The following NCKAP5 variants were observed in gnomAD, a reference collection of about 807,000 sequenced individuals.
The protein encoded by NCKAP5 is NCK associated protein 5, also known as nck-associated protein 5.
NCKAP5 carries 92 observed loss-of-function variants against 167.0 expected under a neutral mutation model. The ratio of observed to expected loss-of-function variants is 0.55; its 90% CI spans 0.47 to 0.66. NCKAP5 has a LOEUF of 0.66. Ranked by LOEUF, NCKAP5 falls within the 30% of genes least tolerant of loss-of-function variation. NCKAP5 has a pLI of 0.00. For missense variants in NCKAP5, 2,378 were observed against 2,315.0 expected (o/e 1.03, Z -0.56); for synonymous variants, 891 against 877.4 (o/e 1.02, Z -0.27).
chr2:133,269,435 G>A (rs1053573894), intron 4 of NCKAP5, among the ~76,000 whole-genome samples: 1 of 152,190 alleles, frequency 6.6e-6, no homozygotes, highest in Non-Finnish European at 1.5e-5. Flanking sequence ...AAGCCTGAAT[G>A]AATGATTAAA....
intron 2 of NCKAP5, among the ~76,000 whole-genome samples, chr2:133,526,736 T>G (rs1684957621): frequency 6.6e-6 from 1 of 152,160 alleles, no homozygotes; most frequent in South Asian, 2.1e-4. Flanking sequence ...CTGACTCTTC[T>G]CCATTTATTG....
At chr2:133,299,828 G>C (rs1022306920) in intron 4 of NCKAP5, among the ~76,000 whole-genome samples, 1 of 151,960 alleles carries the variant, frequency 6.6e-6, no homozygotes, top group Non-Finnish European at 1.5e-5. Flanking sequence ...AACAATTTCG[G>C]TACAATATGA....
chr2:133,363,444 A>G (rs1685255853), intron 3 of NCKAP5, among the ~76,000 whole-genome samples: 1 of 152,230 alleles, frequency 6.6e-6, no homozygotes, highest in African/African-American at 2.4e-5. Context: ...CCTATTTACA[A>G]AAAGAGTTTG....
the NCKAP5 span, among the ~76,000 whole-genome samples, chr2:133,594,921 A>G: frequency 2.6e-5 from 4 of 152,062 alleles, no homozygotes; most frequent in African/African-American, 9.7e-5. Context: ...ACACACACTG[A>G]GCGTTTTAAG....
chr2:133,062,664 T>C (rs2080046858), intron 6 of NCKAP5, among the ~76,000 whole-genome samples: 2 of 152,184 alleles, frequency 1.3e-5, no homozygotes, highest in African/African-American at 2.4e-5. Flanking sequence ...CTGCTATAAG[T>C]TTAATAGCAG....
At chr2:133,655,407 A>G in the NCKAP5 span, among the ~76,000 whole-genome samples, 1 of 152,224 alleles carries the variant, frequency 6.6e-6, no homozygotes, top group Non-Finnish European at 1.5e-5. Flanking sequence ...CCAAGGAGTG[A>G]TATAGGATGT....
At position 132,971,923 on chromosome 2, in the gene NCKAP5, T is replaced by C. The variant is rs551460682; in HGVS notation, c.430-8054A>G. ...TCATTTTAGAGAACACTACAGGTAATTCTAATCCAAGACTAAGTGCGTCTG... is the reference window on the plus strand; with the variant it reads ...TCATTTTAGAGAACACTACAGGTAACTCTAATCCAAGACTAAGTGCGTCTG... On this transcript the variant is annotated intron_variant, in intron 7 of 19. Transcript: ENST00000409261. 2.0e-5 allele frequency among the ~76,000 whole-genome samples: 3 copies of C among 152,308 alleles called. No individual in the cohort carries two copies. The South Asian group carries it at 6.2e-4, about 32-fold the overall frequency.
At chr2:132,963,278 G>T (rs765200074) in intron 8 of NCKAP5, among the ~76,000 whole-genome samples, 3 of 151,820 alleles carry the variant, frequency 2.0e-5, no homozygotes, top group Non-Finnish European at 4.4e-5. Context: ...ATTCCTGCAC[G>T]TTTTTTTTAA....
intron 3 of NCKAP5, among the ~76,000 whole-genome samples, chr2:133,516,155 C>T (rs2151435819): frequency 6.6e-6 from 1 of 152,274 alleles, no homozygotes; most frequent in East Asian, 1.9e-4. Flanking sequence ...TATTGGCATG[C>T]TGATATGTAA....
In NCKAP5 at chr2:133,488,716, G is replaced by A. The variant is rs563871110; in HGVS notation, c.69+28742C>T. Among the ~76,000 whole-genome samples the A allele has an allele frequency of 2.0e-5, 3 of 152,146 alleles. No individual in the cohort carries two copies. The South Asian group carries it at 6.2e-4, about 32-fold the overall frequency. ...AGGTGGGCGGATCATGAGGTCAAGA[G>A]ATCAAGACGGCCAACACGGTGAAAC... On this transcript the variant is annotated intron_variant, in intron 3 of 19. Coordinates refer to ENST00000409261, the MANE Select transcript of NCKAP5 (RefSeq NM_207363.3).
intron 4 of NCKAP5, among the ~76,000 whole-genome samples, chr2:133,241,025 A>G (rs898345341): frequency 1.3e-5 from 2 of 152,210 alleles, no homozygotes. Context: ...CTATTTTCTT[A>G]TTCTAGAACT....
At chr2:132,822,751 T>C (rs1008440870) in intron 11 of NCKAP5, among the ~76,000 whole-genome samples, 1 of 152,124 alleles carries the variant, frequency 6.6e-6, no homozygotes, top group Non-Finnish European at 1.5e-5. Flanking sequence ...AGGTTGATTA[T>C]TAAGCTACTC....
At chr2:132,985,051 G>A (rs757766294) in intron 7 of NCKAP5, among the ~76,000 whole-genome samples, 3 of 151,628 alleles carry the variant, frequency 2.0e-5, no homozygotes, top group Admixed American at 6.6e-5. Flanking sequence ...ATGAGCTGGG[G>A]AAACAGCGGG....
At chr2:133,617,670 A>T in the NCKAP5 span, among the ~76,000 whole-genome samples, 3 of 151,104 alleles carry the variant, frequency 2.0e-5, no homozygotes, top group Non-Finnish European at 4.4e-5. Flanking sequence ...AAACAAATGG[A>T]AGAACATCCC....
intron 11 of NCKAP5, among the ~76,000 whole-genome samples, chr2:132,808,550 A>G (rs182460443): frequency 6.6e-6 from 1 of 152,170 alleles, no homozygotes; most frequent in Admixed American, 6.5e-5. Context: ...ATGTGCGTAA[A>G]TGTGTTTACA....
intron 2 of NCKAP5, among the ~76,000 whole-genome samples, chr2:133,558,446 A>G (rs964327900): frequency 6.6e-6 from 1 of 152,100 alleles, no homozygotes; most frequent in Non-Finnish European, 1.5e-5. Context: ...ATAAGGTGGC[A>G]TAGACAGAGA....
At chr2:132,796,800 A>G in intron 11 of NCKAP5, 71 bp from the exon 12 acceptor site, 1 of 1,070,196 alleles carries the variant, frequency 9.3e-7, no homozygotes, top group Non-Finnish European at 1.4e-6. Context: ...TGCCTTGGAC[A>G]GTTAAATCTC....
At chr2:133,134,775 T>C (rs2082730197) in intron 5 of NCKAP5, among the ~76,000 whole-genome samples, 1 of 152,234 alleles carries the variant, frequency 6.6e-6, no homozygotes, top group East Asian at 1.9e-4. Flanking sequence ...GGGTAATCTA[T>C]GTTTCTGACC....
At chr2:132,765,326 T>C (rs78139608) in intron 16 of NCKAP5, among the ~76,000 whole-genome samples, 1 of 150,008 alleles carries the variant, frequency 6.7e-6, no homozygotes, top group East Asian at 1.9e-4. Context: ...TTTTTTTTTT[T>C]TTTGAGACGG....
Sources: gnomAD v4.1 joint callset for allele counts (sites outside exome capture counted in the v4.1 genomes callset) on GRCh38, gnomAD v4.1.1 for gene constraint, MANE v1.5 for transcripts, NCBI Gene and HGNC (gene_info 2026-07-23, HGNC 2026-07-21) for gene names.